Variants in PCDHA9 observed in about 807,000 individuals in gnomAD.
PCDHA9 encodes the protein protocadherin alpha-9.
Under a neutral mutation model 62.0 loss-of-function variants are expected in PCDHA9, and 62 were observed. The observed-to-expected ratio is 1.00, with a 90% CI of 0.81 to 1.23. The LOEUF (loss-of-function observed/expected upper bound fraction) is 1.23, where lower values mean the gene tolerates loss of function less well. Among genes scored for constraint, PCDHA9 ranks in the 50% most tolerant of loss-of-function variants. The probability of loss-of-function intolerance (pLI) is 0.00; values close to 1 mark genes in which losing one functional copy is unlikely to be tolerated. For synonymous variants in PCDHA9, 557 were observed against 567.6 expected (o/e 0.98, Z 0.27); for missense variants, 1,205 against 1,249.8 (o/e 0.96, Z 0.54).
At chr5:140,913,610 A>C (rs1271705435) in intron 1 of PCDHA9, among the ~76,000 whole-genome samples, 2 of 151,906 alleles carry the variant, frequency 1.3e-5, no homozygotes, top group African/African-American at 4.8e-5. Flanking sequence ...TATTTTCTCT[A>C]CTAATTTTGG....
At chr5:141,006,305 G>A (rs548520638) in intron 3 of PCDHA9, among the ~76,000 whole-genome samples, 25 of 151,934 alleles carry the variant, frequency 1.6e-4, no homozygotes, top group Admixed American at 5.2e-4. Context: ...TCCACTTCCC[G>A]GGTTCATGCC....
intron 1 of PCDHA9, chr5:140,862,898 C>T (rs782019926): frequency 8.8e-5 from 49 of 555,816 alleles, no homozygotes; most frequent in Non-Finnish European, 7.3e-5. Flanking sequence ...ACAACTTTGT[C>T]TGCGCTGCTG....
intron 1 of PCDHA9, chr5:140,862,283 C>T (rs565843609): frequency 1.5e-5 from 4 of 263,874 alleles, no homozygotes; most frequent in African/African-American, 8.7e-5. Flanking sequence ...ATTCCCTGTA[C>T]AGGAGGACGC....
chr5:140,870,198 C>A, intron 1 of PCDHA9: 2 of 1,614,172 alleles, frequency 1.2e-6, no homozygotes, highest in Non-Finnish European at 1.7e-6. Flanking sequence ...CTCAGCCCAG[C>A]ACGGTCATTG....
chr5:140,950,981 TG>T (rs1443074941), intron 1 of PCDHA9, among the ~76,000 whole-genome samples: 1 of 152,138 alleles, frequency 6.6e-6, no homozygotes, highest in East Asian at 1.9e-4. Context: ...CATTGACTTT[TG>T]CCTCTTTTAG....
Position 140,973,415 on chromosome 5 carries a change from A to C in PCDHA9, c.2395-5534A>C, listed in dbSNP as rs552618579. On this transcript the variant is annotated intron_variant, in intron 1 of 3. Coordinates refer to ENST00000532602, the MANE Select transcript of PCDHA9 (RefSeq NM_031857.2). ...AATCATATCTATGAGCTTCCACTCC[A>C]GTTTTTCATCCTCTGATGGTCACTT... Among the ~76,000 whole-genome samples the C allele has an allele frequency of 1.8e-3, 272 of 152,344 alleles. 1 individual carries two copies. Among genetic ancestry groups the C allele is most frequent in the Non-Finnish European group, 3.1e-3 (212 of 68,028 alleles).
intron 1 of PCDHA9, among the ~76,000 whole-genome samples, chr5:140,973,831 C>T (rs1212841510): frequency 1.3e-5 from 2 of 152,214 alleles, no homozygotes; most frequent in African/African-American, 4.8e-5. Flanking sequence ...GTTCTGGGTA[C>T]TTGCTTGTTG....
rs1554225842 is a variant in PCDHA9 at position 140,962,164 on chromosome 5, C to T, written c.2395-16785C>T. Among the ~76,000 whole-genome samples the T allele has an allele frequency of 2.0e-5, 3 of 152,236 alleles. No individual in the cohort carries two copies. In the South Asian group the frequency reaches 6.2e-4, roughly 32 times the overall value. On this transcript the variant is annotated intron_variant, in intron 1 of 3. Transcript: ENST00000532602. ...TGCTGGGATTACAGGCGTGAGCCAC[C>T]ACACCCGGCCACTTATATCACTTTT...
At chr5:140,970,948 C>T (rs1339410112) in intron 1 of PCDHA9, among the ~76,000 whole-genome samples, 1 of 152,114 alleles carries the variant, frequency 6.6e-6, no homozygotes, top group Non-Finnish European at 1.5e-5. Context: ...TGCTGAGAAA[C>T]CATGGGAGGC....
intron 1 of PCDHA9, among the ~76,000 whole-genome samples, chr5:140,972,609 A>G (rs1344399252): frequency 1.3e-5 from 2 of 151,526 alleles, no homozygotes; most frequent in Non-Finnish European, 2.9e-5. Flanking sequence ...TCTGAACTTG[A>G]TACTGAATGT....
intron 1 of PCDHA9, chr5:140,861,441 C>A: frequency 2.0e-6 from 1 of 493,506 alleles, no homozygotes; most frequent in Non-Finnish European, 4.2e-6. Context: ...TTCCAAAAGC[C>A]GCAGAAACCT....
At chr5:140,994,717 A>G (rs1350882833) in intron 3 of PCDHA9, among the ~76,000 whole-genome samples, 4 of 152,164 alleles carry the variant, frequency 2.6e-5, no homozygotes, top group African/African-American at 9.6e-5. Context: ...AAAAAAATTT[A>G]AAATACTGGG....
In PCDHA9 at chr5:141,005,701, CAAAAAAAA is replaced by C. The variant is rs59860837; in HGVS notation, c.2543-3903_2543-3896del. Among the ~76,000 whole-genome samples, 45 of 7,788 alleles carry C rather than the reference CAAAAAAAA, an allele frequency of 5.8e-3. No individual in the cohort carries two copies. In the East Asian group the frequency reaches 0.064, roughly 11 times the overall value. 5.1% of individuals were successfully genotyped at this position (7,788 alleles called of 152,430 possible). A position where few individuals can be genotyped will look rare whatever the true frequency, so the allele number is the denominator to read the frequency against. On this transcript the variant is annotated intron_variant, in intron 3 of 3. Coordinates refer to ENST00000532602, the MANE Select transcript of PCDHA9 (RefSeq NM_031857.2). ...TGGGCGACAGAGCGAAACTCCGTCT[CAAAAAAAA>C]AAAAAAAAAAAAAAAAAAAAAAGAA...
At chr5:140,867,702 A>G (rs560641093) in intron 1 of PCDHA9, 1 of 152,136 alleles carries the variant, frequency 6.6e-6, no homozygotes, top group Admixed American at 6.5e-5. Flanking sequence ...TTCCTCCTAA[A>G]TCCTAAGGGT....
chr5:140,966,545 G>T (rs1554228431), intron 1 of PCDHA9: 1 of 465,862 alleles, frequency 2.1e-6, no homozygotes, highest in East Asian at 3.5e-5. Context: ...CGACTCGGAG[G>T]CGAGCGGAGG....
At position 140,849,804 on chromosome 5, in the gene PCDHA9, G is replaced by A; in HGVS notation, c.1309G>A (p.Ala437Thr). 2 of 1,598,448 alleles carry A rather than the reference G, an allele frequency of 1.3e-6. No individual in the cohort carries two copies. The highest frequency in any genetic ancestry group is 1.1e-5 in the South Asian group (1 of 90,520). The change falls in exon 1 of 4, where the codon GCC becomes ACC. Residue 437 changes from alanine to threonine, a missense_variant. Transcript: ENST00000532602. Reference protein sequence around the residue: ...ARDGGSPSLWATARVSVEVAD... With the variant: ...ARDGGSPSLWTTARVSVEVAD... ...GGACGGGGGCTCGCCTTCACTGTGGGCCACGGCCAGGGTGTCTGTGGAGGT... is the reference window on the plus strand; with the variant it reads ...GGACGGGGGCTCGCCTTCACTGTGGACCACGGCCAGGGTGTCTGTGGAGGT...
chr5:140,882,779 C>G (rs1554175579), intron 1 of PCDHA9: 2 of 1,614,168 alleles, frequency 1.2e-6, no homozygotes, highest in Non-Finnish European at 8.5e-7. Context: ...ATTGACCTAC[C>G]GACTGGATCC....
In PCDHA9 at chr5:141,010,166, A is replaced by G; in HGVS notation, c.*229A>G. 1 of 1,562,828 alleles carries G rather than the reference A, an allele frequency of 6.4e-7. No homozygotes were observed. The highest frequency in any genetic ancestry group is 8.7e-7 in the Non-Finnish European group (1 of 1,152,678). ...TCTCTCCACTCTGGCTTGTTTTCAG[A>G]ACCTAAAAAGCAGACCCAAGTTTCC... On this transcript the variant is annotated 3_prime_UTR_variant, in exon 4 of 4. Transcript: ENST00000532602.
chr5:140,936,867 T>TA (rs1471990778), intron 1 of PCDHA9, among the ~76,000 whole-genome samples: 5 of 152,214 alleles, frequency 3.3e-5, no homozygotes, highest in Admixed American at 2.6e-4. Context: ...GTTTCTATTT[T>TA]AAAAAACCCT....
Sources: allele counts gnomAD v4.1 joint callset (sites outside exome capture counted in the v4.1 genomes callset), GRCh38; gene constraint gnomAD v4.1.1; transcripts MANE v1.5; gene names NCBI Gene and HGNC (gene_info 2026-07-23, HGNC 2026-07-21).